Variants in CRACD observed in about 807,000 individuals in gnomAD.
CRACD encodes capping protein inhibiting regulator of actin dynamics.
CRACD carries 56 observed loss-of-function variants against 106.8 expected under a neutral mutation model. The observed-to-expected ratio is 0.52, with a 90% CI of 0.42 to 0.66. CRACD has a LOEUF of 0.66. Ranked by LOEUF, CRACD falls within the 30% of genes least tolerant of loss-of-function variation. The probability of loss-of-function intolerance (pLI) is 0.00; values close to 1 mark genes in which losing one functional copy is unlikely to be tolerated. For missense variants in CRACD, 1,730 were observed against 1,623.2 expected, an observed-to-expected ratio of 1.07 and a Z score of -1.13; for synonymous variants, 754 against 670.8, an observed-to-expected ratio of 1.12 and a Z score of -1.92.
intron 1 of CRACD, among the ~76,000 whole-genome samples, chr4:56,119,743 T>A (rs959101157): frequency 6.6e-6 from 1 of 152,196 alleles, no homozygotes; most frequent in Admixed American, 6.6e-5. Flanking sequence ...ACCTCTCTTA[T>A]GACTCCACAC....
chr4:56,317,864 G>A (rs148574939), intron 8 of CRACD, among the ~76,000 whole-genome samples: 66 of 149,796 alleles, frequency 4.4e-4, no homozygotes, highest in African/African-American at 1.6e-3. Context: ...TAAATGTTTG[G>A]GCCAACAAAG....
intron 1 of CRACD, among the ~76,000 whole-genome samples, chr4:56,098,154 CA>C (rs1733656724): frequency 6.6e-6 from 1 of 152,186 alleles, no homozygotes; most frequent in African/African-American, 2.4e-5. Context: ...ATTGACTTGA[CA>C]AATGTGTTAC....
intron 1 of CRACD, among the ~76,000 whole-genome samples, chr4:56,147,225 T>C (rs953229009): frequency 2.0e-5 from 3 of 152,156 alleles, no homozygotes; most frequent in African/African-American, 7.2e-5. Flanking sequence ...GCACTGTTCA[T>C]GGAAGGGCCT....
chr4:56,201,124 A>T (rs1348602118), intron 2 of CRACD, among the ~76,000 whole-genome samples: 2 of 152,222 alleles, frequency 1.3e-5, no homozygotes, highest in African/African-American at 4.8e-5. Flanking sequence ...AATTATTTTT[A>T]AAATTTCTTA....
intron 6 of CRACD, among the ~76,000 whole-genome samples, 156 bp from the exon 7 acceptor site, chr4:56,313,041 G>T (rs1425648988): frequency 1.3e-5 from 2 of 152,180 alleles, no homozygotes. Flanking sequence ...TCCAAAACGG[G>T]TGTTCATTTC....
At chr4:56,204,777 AAGC>A (rs1738043556) in intron 2 of CRACD, among the ~76,000 whole-genome samples, 1 of 152,244 alleles carries the variant, frequency 6.6e-6, no homozygotes. Context: ...ACTTGAGAGT[AAGC>A]AGGGAAAGGT....
In CRACD at chr4:56,330,390, A is replaced by T. The variant is rs190665482; in HGVS notation, c.*2586A>T. Among the ~76,000 whole-genome samples, 254 of 152,260 alleles carry T rather than the reference A, an allele frequency of 1.7e-3. 2 individuals are homozygous for T. Among genetic ancestry groups the T allele is most frequent in the Non-Finnish European group, 1.1e-3 (74 of 68,002 alleles). ...AGTTATCTGCAAATATATAGTATGT[A>T]TTGTCTCTTCTTGTGACGTTTAGTT... On this transcript the variant is annotated 3_prime_UTR_variant, in exon 11 of 11. Coordinates refer to ENST00000682029, the MANE Select transcript of CRACD (RefSeq NM_001393381.1).
At chr4:56,166,946 G>T (rs1736177358) in intron 1 of CRACD, among the ~76,000 whole-genome samples, 1 of 152,056 alleles carries the variant, frequency 6.6e-6, no homozygotes, top group Non-Finnish European at 1.5e-5. Context: ...ATAAGTATGG[G>T]ACAGTGCTCT....
At chr4:56,159,346 A>C (rs114633575) in intron 1 of CRACD, among the ~76,000 whole-genome samples, 4,623 of 152,296 alleles carry the variant, frequency 0.03, 225 homozygotes, top group African/African-American at 0.1. Flanking sequence ...TGCTGAGGTC[A>C]TCAGTGCTAA....
At chr4:56,268,425 G>T (rs1418281251) in intron 2 of CRACD, among the ~76,000 whole-genome samples, 1 of 150,958 alleles carries the variant, frequency 6.6e-6, no homozygotes, top group Non-Finnish European at 1.5e-5. Context: ...GAAATTTTGG[G>T]GTTATAGTCA....
chr4:56,154,986 T>G (rs1195199270), intron 1 of CRACD, among the ~76,000 whole-genome samples: 9 of 152,242 alleles, frequency 5.9e-5, no homozygotes, highest in African/African-American at 2.2e-4. Context: ...TTTTAAAAAG[T>G]TTTTCAAAAC....
intron 3 of CRACD, among the ~76,000 whole-genome samples, chr4:56,284,039 T>C (rs1333995423): frequency 6.6e-6 from 1 of 152,142 alleles, no homozygotes; most frequent in Non-Finnish European, 1.5e-5. Context: ...ACAGCCATGA[T>C]CTGAACATAT....
chr4:56,271,213 G>A (rs1279946423), intron 2 of CRACD, among the ~76,000 whole-genome samples: 1 of 152,118 alleles, frequency 6.6e-6, no homozygotes, highest in Non-Finnish European at 1.5e-5. Context: ...GCTGCTTCTG[G>A]TAGAGGGTGA....
intron 2 of CRACD, among the ~76,000 whole-genome samples, chr4:56,263,220 G>C (rs1741811035): frequency 6.6e-6 from 1 of 152,194 alleles, no homozygotes; most frequent in Non-Finnish European, 1.5e-5. Context: ...TTTGCGGGGA[G>C]TGGTTAGGAG....
chr4:56,180,257 C>T (rs1279210795), intron 2 of CRACD, among the ~76,000 whole-genome samples: 4 of 151,790 alleles, frequency 2.6e-5, no homozygotes, highest in Non-Finnish European at 5.9e-5. Flanking sequence ...TTTGGGAGGC[C>T]GAGGTGGGCG....
intron 2 of CRACD, among the ~76,000 whole-genome samples, chr4:56,180,999 T>C (rs1453700993): frequency 6.6e-6 from 1 of 152,210 alleles, no homozygotes; most frequent in Admixed American, 6.5e-5. Context: ...GAATGATGGA[T>C]TTTTAGAAAA....
intron 1 of CRACD, among the ~76,000 whole-genome samples, chr4:56,114,958 A>G (rs374882853): frequency 2.3e-3 from 347 of 152,322 alleles, no homozygotes; most frequent in African/African-American, 7.6e-3. Context: ...CAGGAAATGT[A>G]TAATAGAGGA....
At position 56,094,688 on chromosome 4, in the gene CRACD, A is replaced by C. The variant is rs1577958796; in HGVS notation, c.-336+45389A>C. Among the ~76,000 whole-genome samples the C allele has an allele frequency of 3.9e-5, 6 of 152,306 alleles. No individual in the cohort carries two copies. In the South Asian group the frequency reaches 1.0e-3, roughly 26 times the overall value. ...AGGCTGGGCTTGAACTCCTGGCCTC[A>C]AGTGATCTGCCTGCCTTGGCCTCCC... On this transcript the variant is annotated intron_variant, in intron 1 of 10. Transcript: ENST00000682029.
chr4:56,095,374 G>A (rs938137106), intron 1 of CRACD, among the ~76,000 whole-genome samples: 19 of 152,148 alleles, frequency 1.2e-4, no homozygotes, highest in Admixed American at 9.8e-4. Flanking sequence ...TATTGTTATC[G>A]CAGTGGAGAA....
Sources: allele counts gnomAD v4.1 joint callset (sites outside exome capture counted in the v4.1 genomes callset), GRCh38; gene constraint gnomAD v4.1.1; transcripts MANE v1.5; gene names NCBI Gene and HGNC (gene_info 2026-07-23, HGNC 2026-07-21).